Variants in CTNNA3 observed in about 807,000 individuals in gnomAD.
CTNNA3 encodes the protein catenin alpha 3, also known as catenin alpha-3.
CTNNA3 carries 76 observed loss-of-function variants against 95.7 expected under a neutral mutation model. The ratio of observed to expected loss-of-function variants is 0.79; its 90% confidence interval spans 0.66 to 0.96. The LOEUF (loss-of-function observed/expected upper bound fraction) is 0.96, where lower values mean the gene tolerates loss of function less well. Ranked by LOEUF, CTNNA3 falls within the 40% of genes least tolerant of loss-of-function variation. The pLI is 0.00. For missense variants in CTNNA3, 1,191 were observed against 1,089.8 expected (o/e 1.09, Z -1.31); for synonymous variants, 431 against 374.4 (o/e 1.15, Z -1.74).
At chr10:67,133,366 C>CATACTTAT in intron 7 of CTNNA3, among the ~76,000 whole-genome samples, 1 of 124,590 alleles carries the variant, frequency 8.0e-6, no homozygotes, top group South Asian at 2.7e-4. Flanking sequence ...TACATACATA[C>CATACTTAT]ATATATATAT....
intron 13 of CTNNA3, among the ~76,000 whole-genome samples, chr10:66,274,983 T>C (rs958101517): frequency 1.3e-5 from 2 of 152,200 alleles, no homozygotes; most frequent in Non-Finnish European, 2.9e-5. Context: ...TATTTTATAA[T>C]TTTGGATGCT....
chr10:66,013,633 AT>A (rs1177023700), intron 15 of CTNNA3, among the ~76,000 whole-genome samples: 1 of 152,202 alleles, frequency 6.6e-6, no homozygotes, highest in Non-Finnish European at 1.5e-5. Context: ...AAGTAAAAAT[AT>A]TTTTCTATTG....
intron 10 of CTNNA3, among the ~76,000 whole-genome samples, chr10:66,563,404 T>A (rs1319595316): frequency 1.3e-5 from 2 of 152,158 alleles, no homozygotes; most frequent in Non-Finnish European, 2.9e-5. Flanking sequence ...CTGATTTGGT[T>A]TTCTTTGCTG....
At chr10:67,637,507 C>T (rs1324402120) in intron 2 of CTNNA3, among the ~76,000 whole-genome samples, 2 of 152,064 alleles carry the variant, frequency 1.3e-5, no homozygotes, top group Non-Finnish European at 2.9e-5. Context: ...TCAGGAAATA[C>T]AGAGAATACC....
intron 15 of CTNNA3, among the ~76,000 whole-genome samples, chr10:65,992,547 G>A (rs1417780097): frequency 1.3e-5 from 2 of 151,942 alleles, no homozygotes; most frequent in East Asian, 3.9e-4. Flanking sequence ...GTTAATAATA[G>A]TGTCTGATGA....
chr10:67,132,494 C>T (rs1057216364), intron 7 of CTNNA3, among the ~76,000 whole-genome samples: 12 of 151,894 alleles, frequency 7.9e-5, no homozygotes, highest in Non-Finnish European at 1.6e-4. Context: ...TACAAGAAAT[C>T]GAGGAGATGT....
chr10:66,234,359 T>C (rs965709345), intron 13 of CTNNA3, among the ~76,000 whole-genome samples: 8 of 152,166 alleles, frequency 5.3e-5, no homozygotes, highest in Non-Finnish European at 2.9e-5. Context: ...CCTGTGCTCC[T>C]TAGAGTTGAA....
chr10:66,738,917 G>C (rs4633340), intron 9 of CTNNA3, among the ~76,000 whole-genome samples: 17,817 of 152,142 alleles, frequency 0.12, 1,430 homozygotes, highest in Middle Eastern at 0.17. Flanking sequence ...GTGTTGTGTG[G>C]TTTTCCCAAC....
chr10:67,180,248 G>A, intron 7 of CTNNA3, 69 bp downstream of exon 7: 2 of 1,277,200 alleles, frequency 1.6e-6, no homozygotes, highest in African/African-American at 1.5e-5. Context: ...TATACGGAAA[G>A]TATCTCAGCC....
chr10:66,328,933 TACAC>T (rs767852399), intron 12 of CTNNA3, among the ~76,000 whole-genome samples: 15 of 115,350 alleles, frequency 1.3e-4, no homozygotes, highest in South Asian at 3.0e-4. Flanking sequence ...TATATATATA[TACAC>T]ACACACATAT....
At chr10:66,845,731 T>TAAAAAAAAAAAAAAAAAAAA (rs1304034179) in intron 7 of CTNNA3, among the ~76,000 whole-genome samples, 1 of 35,886 alleles carries the variant, frequency 2.8e-5, no homozygotes, top group Non-Finnish European at 7.3e-5. Context: ...AAAAAAAAAC[T>TAAAAAAAAAAAAAAAAAAAA]AAAAAGGTGA....
intron 1 of CTNNA3, among the ~76,000 whole-genome samples, chr10:67,690,348 G>A (rs963890704): frequency 2.0e-5 from 3 of 152,166 alleles, no homozygotes; most frequent in African/African-American, 7.2e-5. Context: ...ATTATGAAGA[G>A]TGAAAGAACA....
rs148457020 is a variant in CTNNA3 at position 66,153,848 on chromosome 10, TACACACAC to T, written c.1885-50607_1885-50600del. ...TGCCTCTGATACTTAATAATTTGTT[TACACACAC>T]ACACACACACACACACACACACATA... On this transcript the variant is annotated intron_variant, in intron 13 of 17. Transcript: ENST00000433211. 3.1e-3 allele frequency among the ~76,000 whole-genome samples: 457 copies of T among 149,058 alleles called. 4 individuals carry two copies. The highest frequency in any genetic ancestry group is 9.6e-3 in the African/African-American group (389 of 40,604).
At chr10:66,235,824 A>G (rs1047211497) in intron 13 of CTNNA3, among the ~76,000 whole-genome samples, 1 of 152,140 alleles carries the variant, frequency 6.6e-6, no homozygotes, top group Non-Finnish European at 1.5e-5. Context: ...ATTATGTTTT[A>G]TTTTAATGTC....
At chr10:66,159,889 T>C (rs2084756250) in intron 13 of CTNNA3, among the ~76,000 whole-genome samples, 1 of 152,020 alleles carries the variant, frequency 6.6e-6, no homozygotes, top group Non-Finnish European at 1.5e-5. Context: ...ATCTAATTTG[T>C]CCTGATTTAA....
intron 3 of CTNNA3, among the ~76,000 whole-genome samples, chr10:67,590,462 C>T (rs1046332193): frequency 7.9e-5 from 12 of 152,074 alleles, no homozygotes; most frequent in Admixed American, 2.0e-4. Flanking sequence ...ATTTGACAAA[C>T]GTGACATACC....
chr10:67,470,235 A>T (rs1169152730), intron 5 of CTNNA3, among the ~76,000 whole-genome samples: 1 of 152,226 alleles, frequency 6.6e-6, no homozygotes, highest in Non-Finnish European at 1.5e-5. Flanking sequence ...TTCACTTAAC[A>T]TAATAACCTC....
chr10:66,796,716 A>G (rs1841207138), intron 7 of CTNNA3, among the ~76,000 whole-genome samples: 1 of 152,090 alleles, frequency 6.6e-6, no homozygotes, highest in African/African-American at 2.4e-5. Context: ...CAAATCTAAA[A>G]GAGAGCAGTC....
intron 13 of CTNNA3, among the ~76,000 whole-genome samples, chr10:66,269,762 C>T (rs1248753192): frequency 1.3e-5 from 2 of 152,124 alleles, no homozygotes; most frequent in Non-Finnish European, 2.9e-5. Flanking sequence ...CATAACCCAG[C>T]CACTAATACA....
Sources: gnomAD v4.1 joint callset for allele counts (sites outside exome capture counted in the v4.1 genomes callset) on GRCh38, gnomAD v4.1.1 for gene constraint, MANE v1.5 for transcripts, NCBI Gene and HGNC (gene_info 2026-07-23, HGNC 2026-07-21) for gene names.